MRRF: variants seen among roughly 807,000 people sequenced by gnomAD.
MRRF encodes the protein ribosome-recycling factor, mitochondrial.
Under a neutral mutation model 25.1 loss-of-function variants are expected in MRRF, and 18 were observed. The ratio of observed to expected loss-of-function variants is 0.72; its 90% CI spans 0.50 to 1.06. The LOEUF (loss-of-function observed/expected upper bound fraction) is 1.06, where lower values mean the gene tolerates loss of function less well. MRRF is among the 50% of genes least tolerant of loss of function. The pLI is 0.00. For synonymous variants in MRRF, 113 were observed against 112.1 expected (o/e 1.01, Z -0.05); for missense variants, 323 against 319.3 (o/e 1.01, Z -0.09).
At chr9:122,311,753 T>C (rs1216480035) in intron 5 of MRRF, among the ~76,000 whole-genome samples, 1 of 152,224 alleles carries the variant, frequency 6.6e-6, no homozygotes, top group African/African-American at 2.4e-5. Context: ...TGAAATGCAA[T>C]ATTGAAATAC....
At chr9:122,283,020 G>A (rs997016414) in intron 3 of MRRF, among the ~76,000 whole-genome samples, 7 of 152,018 alleles carry the variant, frequency 4.6e-5, no homozygotes, top group African/African-American at 1.7e-4. Context: ...GCATTTAGTG[G>A]GACACAGTTT....
Position 122,315,272 on chromosome 9 carries a change from G to C in MRRF, c.711+1886G>C, listed in dbSNP as rs548712004. Among the ~76,000 whole-genome samples, 86 of 152,226 alleles carry C rather than the reference G, an allele frequency of 5.6e-4. 1 individual carries two copies. The highest frequency in any genetic ancestry group is 5.2e-3 in the East Asian group (27 of 5,178). On this transcript the variant is annotated intron_variant, in intron 6 of 6. Transcript: ENST00000344641. ...GCTCAAGCAGTCCTCCTGTAGCTGGGATAACAGATGCGTCCAGCTGGAATG... is the reference window on the plus strand; with the variant it reads ...GCTCAAGCAGTCCTCCTGTAGCTGGCATAACAGATGCGTCCAGCTGGAATG...
rs1832416963 is a variant in MRRF, at chr9:122,271,003, C to A, written c.112C>A (p.Gln38Lys). Residue 38 changes from glutamine to lysine, a missense_variant, in exon 2 of 7, where the codon CAA becomes AAA. By Grantham distance (53) the Gln-to-Lys change is moderately conservative. Coordinates refer to ENST00000344641, the MANE Select transcript of MRRF (RefSeq NM_138777.5). Reference protein sequence around the residue: ...EVTLKTVHERQHGHRQYMAYS... With the variant: ...EVTLKTVHERKHGHRQYMAYS... ...TACACTGAAGACAGTGCATGAAAGA[C>A]AACATGGCCATAGGCAATACATGGC... The A allele has an allele frequency of 6.2e-7, 1 of 1,614,060 alleles. No homozygotes were observed. Among genetic ancestry groups the A allele is most frequent in the Admixed American group, 1.7e-5 (1 of 60,006 alleles).
chr9:122,322,686 C>A lies in MRRF; in HGVS notation c.*69C>A, dbSNP rs1835963921. Reference sequence around the variant, plus strand: ...GGATCCCATGGGTGGCACATTGGGACTTCTCTCCCTCCCCCATCTACACAG... The same window carrying A: ...GGATCCCATGGGTGGCACATTGGGAATTCTCTCCCTCCCCCATCTACACAG... On this transcript the variant is annotated 3_prime_UTR_variant, in exon 7 of 7. Transcript: ENST00000344641. The A allele has an allele frequency of 1.2e-5, 16 of 1,345,254 alleles. No individual in the cohort carries two copies. The highest frequency in any genetic ancestry group is 1.6e-5 in the Non-Finnish European group (15 of 942,286). The allele number at this position is 1,345,254 out of a possible 1,614,324, so 83.3% of individuals were successfully genotyped here.
intron 6 of MRRF, among the ~76,000 whole-genome samples, chr9:122,317,421 C>T (rs1299136273): frequency 6.6e-6 from 1 of 151,838 alleles, no homozygotes; most frequent in South Asian, 2.1e-4. Flanking sequence ...TAGGAATTTG[C>T]CCAAAATAAA....
chr9:122,318,868 T>C (rs10985594), intron 6 of MRRF, among the ~76,000 whole-genome samples: 14,279 of 152,274 alleles, frequency 0.094, 802 homozygotes, highest in East Asian at 0.24. Context: ...AGGATTGATA[T>C]GAGGACCAAA....
At chr9:122,276,937 T>A (rs1228465354) in intron 2 of MRRF, among the ~76,000 whole-genome samples, 1 of 152,210 alleles carries the variant, frequency 6.6e-6, no homozygotes, top group Non-Finnish European at 1.5e-5. Context: ...CACAGCCCAC[T>A]GCAACCTTAA....
At chr9:122,282,328 C>T (rs975663006) in intron 3 of MRRF, among the ~76,000 whole-genome samples, 3 of 152,182 alleles carry the variant, frequency 2.0e-5, no homozygotes, top group African/African-American at 4.8e-5. Context: ...CCCTTTCATC[C>T]GTCCATGCAT....
intron 2 of MRRF, among the ~76,000 whole-genome samples, chr9:122,279,263 C>G (rs1270303589): frequency 6.6e-6 from 1 of 152,212 alleles, no homozygotes; most frequent in East Asian, 1.9e-4. Flanking sequence ...AAAAATCACT[C>G]TGTTGCTTAC....
chr9:122,277,979 C>G (rs1832880905), intron 2 of MRRF, among the ~76,000 whole-genome samples: 1 of 152,008 alleles, frequency 6.6e-6, no homozygotes, highest in Non-Finnish European at 1.5e-5. Flanking sequence ...TTGTTACATG[C>G]ATAAATGATT....
At chr9:122,293,658 T>C (rs1324444136) in intron 5 of MRRF, among the ~76,000 whole-genome samples, 1 of 152,244 alleles carries the variant, frequency 6.6e-6, no homozygotes, top group Admixed American at 6.5e-5. Flanking sequence ...GTCTTTCTGC[T>C]TGAACCAGAT....
intron 2 of MRRF, among the ~76,000 whole-genome samples, chr9:122,278,328 C>G (rs1832901163): frequency 6.6e-6 from 1 of 152,196 alleles, no homozygotes; most frequent in African/African-American, 2.4e-5. Flanking sequence ...ACAGAACATT[C>G]TTAGCATGTC....
At position 122,282,176 on chromosome 9, in the gene MRRF, C is replaced by T. The variant is rs151273536; in HGVS notation, c.340+1578C>T. 3.5e-4 allele frequency among the ~76,000 whole-genome samples: 53 copies of T among 152,280 alleles called. No homozygotes were observed. In the East Asian group the frequency reaches 9.6e-3, roughly 28 times the overall value. ...CTTTTGCCAGATTGTTCCGTTTTAT[C>T]TTTCATTACCATCTGAACCAACAGG... On this transcript the variant is annotated intron_variant, in intron 3 of 6. Coordinates refer to ENST00000344641, the MANE Select transcript of MRRF (RefSeq NM_138777.5).
chr9:122,288,407 T>C (rs886590262), intron 4 of MRRF, among the ~76,000 whole-genome samples: 4 of 152,214 alleles, frequency 2.6e-5, no homozygotes, highest in African/African-American at 9.7e-5. Context: ...GCATTATTTA[T>C]TTCATTTTAT....
chr9:122,296,180 A>G (rs952244469), intron 5 of MRRF, among the ~76,000 whole-genome samples: 1 of 152,000 alleles, frequency 6.6e-6, no homozygotes, highest in Admixed American at 6.6e-5. Context: ...GTAAATAACC[A>G]TTGAGTCTTA....
intron 6 of MRRF, among the ~76,000 whole-genome samples, chr9:122,315,706 C>G (rs1564514034): frequency 6.6e-6 from 1 of 151,980 alleles, no homozygotes; most frequent in Non-Finnish European, 1.5e-5. Context: ...CCTTGTCTTT[C>G]TCCTAGGGGA....
At chr9:122,300,057 T>A (rs532975655) in intron 5 of MRRF, among the ~76,000 whole-genome samples, 3 of 151,846 alleles carry the variant, frequency 2.0e-5, no homozygotes, top group East Asian at 3.9e-4. Flanking sequence ...GTGATACTGG[T>A]GGAGAAAGGG....
In MRRF at chr9:122,277,912, T is replaced by A. The variant is rs528647198; in HGVS notation, c.185-2531T>A. On this transcript the variant is annotated intron_variant, in intron 2 of 6. Transcript: ENST00000344641. ...TTTTTCTTTTTTTTAAATGCATATT[T>A]AAAAATTTTTTTTATTGATACATAT... is the stretch of plus-strand genomic sequence containing the variant. Among the ~76,000 whole-genome samples the A allele has an allele frequency of 2.0e-5, 3 of 152,210 alleles. No homozygotes were observed. In the East Asian group the frequency reaches 5.8e-4, roughly 29 times the overall value.
Position 122,322,937 on chromosome 9 carries a change from G to A in MRRF, c.*320G>A, listed in dbSNP as rs1588096377. On this transcript the variant is annotated 3_prime_UTR_variant, in exon 7 of 7. Coordinates refer to ENST00000344641, the MANE Select transcript of MRRF (RefSeq NM_138777.5). ...TTAGTACCACCTGCTCCTCATCTTA[G>A]GAGTCTCCTTTTCAAATAATTAGGC... The A allele has an allele frequency of 2.3e-6, 1 of 433,438 alleles. No individual in the cohort carries two copies. The highest frequency in any genetic ancestry group is 4.2e-5 in the East Asian group (1 of 23,962). The allele number at this position is 433,438 out of a possible 1,614,324, so 26.8% of individuals were successfully genotyped here.
Sources: allele counts gnomAD v4.1 joint callset (sites outside exome capture counted in the v4.1 genomes callset), GRCh38; gene constraint gnomAD v4.1.1; transcripts MANE v1.5; gene names NCBI Gene and HGNC (gene_info 2026-07-23, HGNC 2026-07-21).